Variants in NUP133 observed in about 807,000 individuals in gnomAD.
NUP133 encodes nucleoporin 133.
Under a neutral mutation model 146.2 loss-of-function variants are expected in NUP133, and 66 were observed. The observed-to-expected ratio is 0.45, with a 90% CI of 0.37 to 0.55. The LOEUF (loss-of-function observed/expected upper bound fraction) is 0.55. Ranked by LOEUF, NUP133 falls within the 20% of genes least tolerant of loss-of-function variation. The pLI, the probability that NUP133 is intolerant of heterozygous loss-of-function variation, is 0.00. For missense variants in NUP133, 1,277 were observed against 1,374.8 expected (o/e 0.93, Z 1.12); for synonymous variants, 521 against 498.8 (o/e 1.04, Z -0.59).
chr1:229,477,412 C>T (rs1194250118), intron 13 of NUP133, among the ~76,000 whole-genome samples, 185 bp downstream of exon 13: 1 of 148,268 alleles, frequency 6.7e-6, no homozygotes, highest in Non-Finnish European at 1.5e-5. Flanking sequence ...TGCACTCCAG[C>T]CTGGGTGACA....
chr1:229,504,480 T>C (rs1278205682), intron 2 of NUP133, among the ~76,000 whole-genome samples: 3 of 152,202 alleles, frequency 2.0e-5, no homozygotes, highest in Non-Finnish European at 2.9e-5. Flanking sequence ...TCTAAGCTTG[T>C]GTTGATTGTA....
chr1:229,460,815 A>T, intron 19 of NUP133, 46 bp from the exon 20 acceptor site: 1 of 1,519,950 alleles, frequency 6.6e-7, no homozygotes, highest in Non-Finnish European at 8.9e-7. Flanking sequence ...GTTTAAAAAA[A>T]CACATTTCTG....
At chr1:229,465,666 G>A (rs1571915986) in intron 16 of NUP133, 147 bp from the exon 17 acceptor site, 1 of 667,946 alleles carries the variant, frequency 1.5e-6, no homozygotes, top group East Asian at 2.8e-5. Context: ...CCAGTGCTTT[G>A]GGAGGCTGAG....
chr1:229,471,685 G>C (rs1660959595), intron 14 of NUP133, among the ~76,000 whole-genome samples: 1 of 152,094 alleles, frequency 6.6e-6, no homozygotes, highest in Non-Finnish European at 1.5e-5. Flanking sequence ...CAAAAGACAG[G>C]CATAAATAAT....
chr1:229,482,693 T>C (rs1043265915), intron 12 of NUP133, among the ~76,000 whole-genome samples: 13 of 152,124 alleles, frequency 8.5e-5, no homozygotes, highest in African/African-American at 3.1e-4. Context: ...CCCCACCCCA[T>C]ACGCGCATCT....
chr1:229,479,846 T>G (rs1661167078), intron 12 of NUP133, among the ~76,000 whole-genome samples: 1 of 152,176 alleles, frequency 6.6e-6, no homozygotes, highest in Non-Finnish European at 1.5e-5. Context: ...ACTGAGAATG[T>G]AGACATCCTT....
intron 11 of NUP133, among the ~76,000 whole-genome samples, chr1:229,486,145 C>T (rs112945070): frequency 0.029 from 4,389 of 151,328 alleles, 212 homozygotes; most frequent in African/African-American, 0.1. Context: ...CTAGCCTGGG[C>T]AACAGAGTGA....
chr1:229,485,600 A>G (rs1425302247), intron 11 of NUP133, among the ~76,000 whole-genome samples: 1 of 152,226 alleles, frequency 6.6e-6, no homozygotes, highest in Non-Finnish European at 1.5e-5. Context: ...TGTTAGAATG[A>G]TAAAGGCAGA....
Position 229,508,204 on chromosome 1 carries a change from G to A in NUP133, c.46C>T (p.Arg16Ter). 1.9e-6 allele frequency: 3 copies of A among 1,563,134 alleles called. No individual in the cohort carries two copies. Among genetic ancestry groups the A allele is most frequent in the Non-Finnish European group, 2.6e-6 (3 of 1,157,288 alleles). ...CCGAGTCCGGCCAGCGGGCCCCTTC[G>A]GGACCCGGTACCCGGGGTCCGCGGA... The part of the protein sequence containing the change: ...PSPRTPGTGS[R>*]RGPLAGLGPG... The change falls in exon 1 of 26, where the codon CGA becomes TGA. Residue 16 changes from arginine (R) to a stop codon, truncating the protein, a stop_gained. Coordinates refer to ENST00000261396, the MANE Select transcript of NUP133 (RefSeq NM_018230.3). LOFTEE classifies it high-confidence loss of function.
rs776456862 is a variant in NUP133, at chr1:229,441,994, T to A, written c.3381A>T (p.Gln1127His). The A allele has an allele frequency of 5.0e-6, 8 of 1,590,972 alleles. No homozygotes were observed. Among genetic ancestry groups the A allele is most frequent in the Non-Finnish European group, 6.8e-6 (8 of 1,174,072 alleles). The stretch of plus-strand genomic sequence containing the variant: ...ACTTTAAGCTTCCAAGCTGATCCGC[T>A]TGTAGCAGGTCTTTCACCTCCGGTA... ...EYLPEVKDLL[Q>H]ADQLGSLKSN... The change falls in exon 26 of 26, where the codon CAA becomes CAT. Residue 1127 changes from glutamine (Q) to histidine (H), a missense_variant. Transcript: ENST00000261396.
chr1:229,458,792 C>A (rs1447755985), intron 20 of NUP133, among the ~76,000 whole-genome samples: 1 of 151,080 alleles, frequency 6.6e-6, no homozygotes, highest in Non-Finnish European at 1.5e-5. Context: ...CTCACTCAAC[C>A]TTCGCCTCCC....
chr1:229,501,930 G>T, intron 3 of NUP133, 69 bp downstream of exon 3: 1 of 1,133,026 alleles, frequency 8.8e-7, no homozygotes, highest in Non-Finnish European at 1.3e-6. Context: ...AAAAAAATTA[G>T]GGTAAAAATG....
intron 17 of NUP133, 49 bp downstream of exon 17, chr1:229,465,371 G>C: frequency 7.2e-7 from 1 of 1,387,510 alleles, no homozygotes; most frequent in Non-Finnish European, 1.0e-6. Context: ...AAAAATGATG[G>C]GTCATTAGAA....
At chr1:229,458,031 C>G (rs562742718) in intron 21 of NUP133, 130 bp downstream of exon 21, 150 of 884,268 alleles carry the variant, frequency 1.7e-4, no homozygotes, top group Non-Finnish European at 2.5e-5. Flanking sequence ...TGGACATTAA[C>G]TAAATGCATT....
intron 1 of NUP133, among the ~76,000 whole-genome samples, chr1:229,506,453 T>G (rs567005538): frequency 5.3e-5 from 8 of 151,548 alleles, no homozygotes; most frequent in Non-Finnish European, 8.8e-5. Flanking sequence ...ACCAGTGTTT[T>G]TTTTTTTTTT....
intron 15 of NUP133, among the ~76,000 whole-genome samples, chr1:229,467,793 C>T (rs1369368651): frequency 1.3e-5 from 2 of 151,732 alleles, no homozygotes; most frequent in Non-Finnish European, 2.9e-5. Context: ...GGCGTCGTGG[C>T]GTGCACCTGG....
chr1:229,498,280 T>C lies in NUP133; in HGVS notation c.675A>G (p.Ser225=). 1 of 1,597,110 alleles carries C rather than the reference T, an allele frequency of 6.3e-7. No individual in the cohort carries two copies. The part of the protein sequence containing the change: ...VQGGSFILSS[S]GSQLIRLIPE... ...GTATCAACCGAATTAGTTGGCTTCCTGATGAAGACAAAATAAAACTTCCTC... is the reference window on the plus strand; with the variant it reads ...GTATCAACCGAATTAGTTGGCTTCCCGATGAAGACAAAATAAAACTTCCTC... The change falls in exon 6 of 26, where the codon TCA becomes TCG. Residue 225 remains serine (S), a synonymous_variant. Coordinates refer to ENST00000261396, the MANE Select transcript of NUP133 (RefSeq NM_018230.3).
At chr1:229,449,873 ATTTTTTTTT>A (rs71281043) in intron 23 of NUP133, among the ~76,000 whole-genome samples, 30 of 85,802 alleles carry the variant, frequency 3.5e-4, no homozygotes, top group African/African-American at 1.4e-3. Flanking sequence ...ATATATATAT[ATTTTTTTTT>A]TTTTTTTTTT....
At position 229,508,137 on chromosome 1, in the gene NUP133, G is replaced by A. The variant is rs1280232000; in HGVS notation, c.113C>T (p.Pro38Leu). 5 of 1,597,016 alleles carry A rather than the reference G, an allele frequency of 3.1e-6. No individual in the cohort carries two copies. Among genetic ancestry groups the A allele is most frequent in the Non-Finnish European group, 4.3e-6 (5 of 1,173,306 alleles). ...TPRTASRKGLPLGSAVSSPVL... is the reference protein window; with the variant it reads ...TPRTASRKGLLLGSAVSSPVL... The stretch of plus-strand genomic sequence containing the variant: ...TGGGGAGCTGACTGCAGACCCCAGG[G>A]GCAGACCCTTCCTGCTAGCCGTCCG... The change falls in exon 1 of 26, where the codon CCC (proline) becomes CTC (leucine). Residue 38 changes from proline to leucine, a missense_variant. Physicochemically the swap from Pro to Leu is moderately conservative, Grantham distance 98 (BLOSUM62 -3). Transcript: ENST00000261396.
Sources: allele counts gnomAD v4.1 joint callset (sites outside exome capture counted in the v4.1 genomes callset), GRCh38; gene constraint gnomAD v4.1.1; transcripts MANE v1.5; gene names NCBI Gene and HGNC (gene_info 2026-07-23, HGNC 2026-07-21).